SEC14L1: variants seen among roughly 807,000 people sequenced by gnomAD.
SEC14L1 encodes SEC14 like lipid binding 1.
In SEC14L1, 48 loss-of-function variants were observed where a neutral mutation model predicts 85.3. That is an observed-to-expected ratio of 0.56 (90% CI 0.45 to 0.72). SEC14L1 has a LOEUF of 0.72. Among genes scored for constraint, SEC14L1 ranks in the 30% least tolerant of loss-of-function variants. The pLI is 0.00. For missense variants in SEC14L1, 682 were observed against 921.4 expected (o/e 0.74, Z 3.36); for synonymous variants, 391 against 355.5 (o/e 1.10, Z -1.12).
chr17:77,210,850 A>G (rs776902078), intron 14 of SEC14L1: 2 of 152,140 alleles, frequency 1.3e-5, no homozygotes, highest in African/African-American at 2.4e-5. Flanking sequence ...AGACATCCAC[A>G]TGGTAAAAAC....
In SEC14L1 at chr17:77,142,918, C is replaced by A. The variant is rs115829247; in HGVS notation, c.-31+168C>A. ...TTAGGTGTGAACATTTAACCGATTA[C>A]TTACGGATATTAGCTATCTGAGGCT... On this transcript the variant is annotated intron_variant, in intron 2 of 16. Transcript: ENST00000436233. Among the ~76,000 whole-genome samples, 824 of 152,354 alleles carry A rather than the reference C, an allele frequency of 5.4e-3. 7 individuals carry two copies. The highest frequency in any genetic ancestry group is 0.019 in the African/African-American group (785 of 41,568).
chr17:77,161,390 G>A (rs1167265406), intron 3 of SEC14L1, among the ~76,000 whole-genome samples: 1 of 152,188 alleles, frequency 6.6e-6, no homozygotes, highest in Non-Finnish European at 1.5e-5. Flanking sequence ...GGGCGGCTGA[G>A]GCGAGAGAAT....
At chr17:77,183,313 A>G (rs1598358424) in intron 3 of SEC14L1, among the ~76,000 whole-genome samples, 3 of 152,268 alleles carry the variant, frequency 2.0e-5, no homozygotes, top group Admixed American at 2.0e-4. Flanking sequence ...CATGTCCGCT[A>G]GGTAAATTAG....
intron 8 of SEC14L1, among the ~76,000 whole-genome samples, chr17:77,198,650 C>T (rs1348490882): frequency 1.3e-5 from 2 of 151,690 alleles, no homozygotes; most frequent in African/African-American, 4.8e-5. Context: ...TCTCGGCTCA[C>T]TGCAAGATCC....
Position 77,209,398 on chromosome 17 carries a change from G to A in SEC14L1, c.1533G>A (p.Glu511=), listed in dbSNP as rs777954988. 2 of 1,614,072 alleles carry A rather than the reference G, an allele frequency of 1.2e-6. No homozygotes were observed. The highest frequency in any genetic ancestry group is 2.2e-5 in the East Asian group (1 of 44,898). ...AATCTCTGTACCGGACTGCAGAGGA[G>A]CTGGAGAACGAAGACCTGAAGCTCT... ...VPKSLYRTAE[E]LENEDLKLWT... The change falls in exon 14 of 17, where the codon GAG becomes GAA. Residue 511 remains glutamate, a synonymous_variant. Coordinates refer to ENST00000436233, the MANE Select transcript of SEC14L1 (RefSeq NM_001143998.2).
exon 3 of SEC14L1, chr17:77,093,319 A>G (rs1324323162): frequency 6.6e-6 from 1 of 152,130 alleles, no homozygotes; most frequent in Non-Finnish European, 1.5e-5. Flanking sequence ...GTGCCTGGAA[A>G]GGAATTGTTT....
chr17:77,124,287 C>T (rs1972380065), intron 3 of SEC14L1, among the ~76,000 whole-genome samples: 1 of 152,170 alleles, frequency 6.6e-6, no homozygotes, highest in African/African-American at 2.4e-5. Flanking sequence ...TCATTTGCGC[C>T]CAGGAGGTCG....
At chr17:77,114,689 G>T (rs1830382723) in intron 3 of SEC14L1, among the ~76,000 whole-genome samples, 2 of 151,496 alleles carry the variant, frequency 1.3e-5, no homozygotes, top group South Asian at 4.2e-4. Flanking sequence ...ACAAAAATTA[G>T]CTGGGCATGG....
intron 8 of SEC14L1, among the ~76,000 whole-genome samples, chr17:77,199,962 C>T (rs943535910): frequency 2.0e-5 from 3 of 152,084 alleles, no homozygotes; most frequent in South Asian, 2.1e-4. Flanking sequence ...TGAGCTCAGG[C>T]GTTTGAGACC....
intron 3 of SEC14L1, among the ~76,000 whole-genome samples, chr17:77,176,310 A>C (rs1974755783): frequency 6.6e-6 from 1 of 152,084 alleles, no homozygotes; most frequent in African/African-American, 2.4e-5. Flanking sequence ...AAAGTAAACC[A>C]ATTAGGAAAG....
At position 77,206,709 on chromosome 17, in the gene SEC14L1, G is replaced by T. The variant is rs1200727955; in HGVS notation, c.1342-19G>T. ...AGGCAGCAGAGAAATATGACTGCATGGTCTTCTCCTCCTCACAGGTTAGTC... is the reference window on the plus strand; with the variant it reads ...AGGCAGCAGAGAAATATGACTGCATTGTCTTCTCCTCCTCACAGGTTAGTC... On this transcript the variant is annotated intron_variant, in intron 12 of 16. Coordinates refer to ENST00000436233, the MANE Select transcript of SEC14L1 (RefSeq NM_001143998.2). This position sits in a 1 kb window ranked among gnomAD's most constrained non-coding sequence, Gnocchi z 4.3. The T allele has an allele frequency of 6.3e-7, 1 of 1,579,302 alleles. No individual in the cohort carries two copies. The highest frequency in any genetic ancestry group is 1.4e-5 in the African/African-American group (1 of 73,446).
intron 3 of SEC14L1, among the ~76,000 whole-genome samples, chr17:77,123,041 TG>T (rs1357990418): frequency 1.3e-5 from 2 of 151,786 alleles, no homozygotes; most frequent in African/African-American, 2.4e-5. Flanking sequence ...TTTGTTGTTT[TG>T]TTTTTTTGTT....
chr17:77,185,105 A>G, intron 3 of SEC14L1: 1 of 522,090 alleles, frequency 1.9e-6, no homozygotes, highest in South Asian at 8.3e-5. Context: ...TTTATTGAGT[A>G]AGATTGTATT....
At chr17:77,109,656 A>G (rs1972005862) in intron 3 of SEC14L1, among the ~76,000 whole-genome samples, 1 of 152,198 alleles carries the variant, frequency 6.6e-6, no homozygotes, top group African/African-American at 2.4e-5. Flanking sequence ...AACACTCTGA[A>G]AGAGAACGAA....
At chr17:77,128,781 G>A (rs1446782077) in intron 3 of SEC14L1, among the ~76,000 whole-genome samples, 1 of 152,052 alleles carries the variant, frequency 6.6e-6, no homozygotes, top group African/African-American at 2.4e-5. Flanking sequence ...AGTAGAGTGA[G>A]CTTTCTGAAC....
intron 3 of SEC14L1, among the ~76,000 whole-genome samples, chr17:77,154,067 A>C (rs927754996): frequency 1.8e-4 from 27 of 152,264 alleles, no homozygotes; most frequent in African/African-American, 6.5e-4. Flanking sequence ...CAGGAAAAAC[A>C]ACAAAAATAA....
At chr17:77,169,007 C>CTTTTTTT (rs71160208) in intron 3 of SEC14L1, among the ~76,000 whole-genome samples, 33 of 77,844 alleles carry the variant, frequency 4.2e-4, no homozygotes, top group Admixed American at 9.7e-4. Context: ...TGAGGAGCAT[C>CTTTTTTT]TTTTTTTTTT....
chr17:77,185,038 T>C (rs184013911), intron 3 of SEC14L1, among the ~76,000 whole-genome samples: 272 of 152,276 alleles, frequency 1.8e-3, no homozygotes, highest in Middle Eastern at 3.4e-3. Context: ...CCTTAACATA[T>C]CTCTGAAAGA....
At chr17:77,139,364 G>T (rs1972897931), upstream of SEC14L1, among the ~76,000 whole-genome samples, 1 of 151,928 alleles carries the variant, frequency 6.6e-6, no homozygotes. Flanking sequence ...TGGAGACGAG[G>T]TCTCACCGTG....
Sources: allele counts gnomAD v4.1 joint callset (sites outside exome capture counted in the v4.1 genomes callset), GRCh38; gene constraint gnomAD v4.1.1; non-coding constraint Gnocchi (gnomAD v3.1); transcripts MANE v1.5; gene names NCBI Gene and HGNC (gene_info 2026-07-23, HGNC 2026-07-21).